Variants in ACOT6 observed in about 807,000 individuals in gnomAD.
ACOT6 encodes acyl-coenzyme A thioesterase 6.
Under a neutral mutation model 12.3 loss-of-function variants are expected in ACOT6, and 14 were observed. That is an observed-to-expected ratio of 1.14 (90% CI 0.75 to 1.78). The LOEUF is 1.78. Ranked by LOEUF, ACOT6 falls within the 40% of genes most tolerant of loss-of-function variation. The pLI is 0.00. For synonymous variants in ACOT6, 218 were observed against 231.3 expected, an observed-to-expected ratio of 0.94 and a Z score of 0.52; for missense variants, 523 against 551.8, an observed-to-expected ratio of 0.95 and a Z score of 0.52.
intron 1 of ACOT6, 63 bp from the exon 2 acceptor site, chr14:73,616,931 T>A: frequency 1.7e-6 from 1 of 589,128 alleles, no homozygotes. Context: ...CTTCAAAAAC[T>A]TGTTTGCTTA....
chr14:73,619,278 T>A lies in ACOT6; in HGVS notation c.705T>A (p.Gly235=), dbSNP rs1890590603. 1 of 1,606,222 alleles carries A rather than the reference T, an allele frequency of 6.2e-7. No individual in the cohort carries two copies. Residue 235 remains glycine, a synonymous_variant, in exon 3 of 3, where the codon GGT becomes GGA. Coordinates refer to ENST00000645972, the MANE Select transcript of ACOT6 (RefSeq NM_001365788.1). ...CGCTTCTTGGATTTTCCAAAGGAGG[T>A]GACCTGTGTCTCTCAATGGCTTCTT... The part of the protein sequence containing the change: ...SIALLGFSKG[G]DLCLSMASFL...
upstream of ACOT6, chr14:73,612,447 A>G (rs1595184544): frequency 3.2e-6 from 2 of 622,708 alleles, no homozygotes; most frequent in East Asian, 6.9e-5. Context: ...GCCTGTCCCC[A>G]AGTCCAACCA....
intron 2 of ACOT6, 31 bp downstream of exon 2, chr14:73,617,223 G>T: frequency 1.2e-6 from 2 of 1,614,136 alleles, no homozygotes; most frequent in Non-Finnish European, 1.7e-6. Flanking sequence ...GAGTGCAGAA[G>T]AGAGGGGATA....
Position 73,612,929 on chromosome 14 carries a change from C to T in ACOT6, c.358C>T (p.Leu120=). Residue 120 remains leucine (L), a synonymous_variant, in exon 1 of 3, where the codon CTG becomes TTG. Coordinates refer to ENST00000645972, the MANE Select transcript of ACOT6 (RefSeq NM_001365788.1). ...DGHDTEPGRL[L]CLAQNKRDFL... is the part of the protein sequence containing the mutation. Reference sequence around the variant, plus strand: ...CCACGACACCGAGCCCGGGCGGCTGCTGTGCCTGGCGCAGAACAAGCGCGA... The same window carrying T: ...CCACGACACCGAGCCCGGGCGGCTGTTGTGCCTGGCGCAGAACAAGCGCGA... 1.5e-6 allele frequency: 2 copies of T among 1,339,308 alleles called. No individual in the cohort carries two copies. The highest frequency in any genetic ancestry group is 1.4e-5 in the South Asian group (1 of 71,582). 83.0% of individuals were successfully genotyped at this position (1,339,308 alleles called of 1,614,324 possible).
chr14:73,614,026 C>CAAAAAAAA (rs59411143), intron 1 of ACOT6, among the ~76,000 whole-genome samples: 4 of 92,994 alleles, frequency 4.3e-5, no homozygotes, highest in Non-Finnish European at 6.4e-5. Flanking sequence ...TCTGTCTCTA[C>CAAAAAAAA]AAAAAAAAAA....
Position 73,612,517 on chromosome 14 carries a change from A to G in ACOT6, c.-55A>G, listed in dbSNP as rs947463021. On this transcript the variant is annotated 5_prime_UTR_variant, in exon 1 of 3. Coordinates refer to ENST00000645972, the MANE Select transcript of ACOT6 (RefSeq NM_001365788.1). The stretch of plus-strand genomic sequence containing the variant: ...CTTTCCAGCGCTCGGCAAAGCCGCC[A>G]GGCCCGCCCACTGACTCCGCGGAGC... 3.5e-6 allele frequency: 4 copies of G among 1,151,512 alleles called. No individual in the cohort carries two copies. The highest frequency in any genetic ancestry group is 4.5e-6 in the Non-Finnish European group (4 of 888,140). The allele number at this position is 1,151,512 out of a possible 1,614,324, so 71.3% of individuals were successfully genotyped here. A position where few individuals can be genotyped will look rare whatever the true frequency, so the allele number is the denominator to read the frequency against.
intron 2 of ACOT6, 84 bp downstream of exon 2, chr14:73,617,276 G>T: frequency 6.4e-7 from 1 of 1,564,866 alleles, no homozygotes; most frequent in South Asian, 1.1e-5. Context: ...CCAGAACACT[G>T]AGAACTAGAA....
chr14:73,616,740 T>G, intron 1 of ACOT6: 1 of 330,814 alleles, frequency 3.0e-6, no homozygotes, highest in Non-Finnish European at 5.4e-6. Flanking sequence ...TACAGGTGGT[T>G]TGGGGTTACA....
intron 1 of ACOT6, among the ~76,000 whole-genome samples, chr14:73,615,423 AC>A (rs1033091171): frequency 7.0e-5 from 10 of 141,954 alleles, no homozygotes; most frequent in Non-Finnish European, 4.6e-5. Context: ...AACAAAAAAA[AC>A]CAGCAACAAC....
In ACOT6 at chr14:73,619,769, G is replaced by A. The variant is rs2140002598; in HGVS notation, c.1196G>A (p.Trp399Ter). 6.2e-7 allele frequency: 1 copy of A among 1,610,048 alleles called. No homozygotes were observed. Among genetic ancestry groups the A allele is most frequent in the Non-Finnish European group, 8.5e-7 (1 of 1,178,768 alleles). Residue 399 changes from tryptophan (W) to a stop codon, truncating the protein, a stop_gained, in exon 3 of 3, where the codon TGG (tryptophan) becomes TAG (stop). Coordinates refer to ENST00000645972, the MANE Select transcript of ACOT6 (RefSeq NM_001365788.1). LOFTEE classifies it high-confidence loss of function. The stretch of plus-strand genomic sequence containing the variant: ...CACTCAAAGGCACAGGTAGATGCCT[G>A]GCAGCAAATTCAAACTTTCTTCCAT... ...KAHSKAQVDA[W>*]QQIQTFFHKH...
At chr14:73,613,089 C>T in intron 1 of ACOT6, 57 bp downstream of exon 1, 1 of 540,968 alleles carries the variant, frequency 1.8e-6, no homozygotes, top group Non-Finnish European at 3.1e-6. Context: ...CTTTCCTGTC[C>T]TGGGAATCGC....
At position 73,619,145 on chromosome 14, in the gene ACOT6, G is replaced by A. The variant is rs1235187578; in HGVS notation, c.661-89G>A. 3 of 1,463,522 alleles carry A rather than the reference G, an allele frequency of 2.0e-6. No homozygotes were observed. In the East Asian group the frequency reaches 7.0e-5, roughly 34 times the overall value. The allele number at this position is 1,463,522 out of a possible 1,614,324, so 90.7% of individuals were successfully genotyped here. A position where few individuals can be genotyped will look rare whatever the true frequency, so the allele number is the denominator to read the frequency against. Reference sequence around the variant, plus strand: ...ACTCCATCTCAAAAAAGAAAAAAAAGAGAAAGCTACTTGGAGAATGTAAAA... The same window carrying A: ...ACTCCATCTCAAAAAAGAAAAAAAAAAGAAAGCTACTTGGAGAATGTAAAA... On this transcript the variant is annotated intron_variant, in intron 2 of 2. Coordinates refer to ENST00000645972, the MANE Select transcript of ACOT6 (RefSeq NM_001365788.1).
chr14:73,612,778 A>G lies in ACOT6; in HGVS notation c.207A>G (p.Gly69=). 1 of 1,368,494 alleles carries G rather than the reference A, an allele frequency of 7.3e-7. No individual in the cohort carries two copies. The highest frequency in any genetic ancestry group is 9.4e-7 in the Non-Finnish European group (1 of 1,066,086). 84.8% of individuals were successfully genotyped at this position (1,368,494 alleles called of 1,614,324 possible). ...ACCTGGAGCGCGCGCCCGCGCTGGG[A>G]GGCAGCTTCGCGGGGCTCCAGCCCA... ...ELDLERAPAL[G]GSFAGLQPMG... Residue 69 remains glycine (G), a synonymous_variant, in exon 1 of 3, where the codon GGA becomes GGG. Coordinates refer to ENST00000645972, the MANE Select transcript of ACOT6 (RefSeq NM_001365788.1).
intron 1 of ACOT6, among the ~76,000 whole-genome samples, chr14:73,614,835 G>A (rs1044321863): frequency 7.9e-5 from 12 of 151,312 alleles, no homozygotes; most frequent in South Asian, 2.1e-4. Flanking sequence ...AGTGGCTCAC[G>A]CCTGTAATCC....
chr14:73,618,306 T>C (rs1890573641), intron 2 of ACOT6, among the ~76,000 whole-genome samples: 1 of 152,222 alleles, frequency 6.6e-6, no homozygotes. Context: ...CCTAGTGCTC[T>C]TGGGATCCGG....
chr14:73,613,514 T>G (rs1450960369), intron 1 of ACOT6, among the ~76,000 whole-genome samples: 1 of 152,176 alleles, frequency 6.6e-6, no homozygotes, highest in African/African-American at 2.4e-5. Context: ...GCCCTTTAAT[T>G]GTTTAAAAAC....
At chr14:73,616,936 T>C (rs1310126757) in intron 1 of ACOT6, 58 bp from the exon 2 acceptor site, 1 of 592,534 alleles carries the variant, frequency 1.7e-6, no homozygotes, top group African/African-American at 1.9e-5. Flanking sequence ...AAAACTTGTT[T>C]GCTTACTGTC....
At chr14:73,615,410 A>AC (rs1202941503) in intron 1 of ACOT6, among the ~76,000 whole-genome samples, 9 of 85,134 alleles carry the variant, frequency 1.1e-4, no homozygotes, top group African/African-American at 2.5e-4. Context: ...AAAAAAAACA[A>AC]AAAACAAAAA....
intron 1 of ACOT6, among the ~76,000 whole-genome samples, chr14:73,615,098 AAC>A (rs1491527745): frequency 2.0e-5 from 3 of 149,394 alleles, no homozygotes; most frequent in East Asian, 2.0e-4. Flanking sequence ...CAAAAAAAAA[AAC>A]AAGGCGGCCA....
Sources: allele counts gnomAD v4.1 joint callset (sites outside exome capture counted in the v4.1 genomes callset), GRCh38; gene constraint gnomAD v4.1.1; transcripts MANE v1.5; gene names NCBI Gene and HGNC (gene_info 2026-07-23, HGNC 2026-07-21).